Variants in AUTS2 observed in about 807,000 individuals in gnomAD.
AUTS2 encodes activator of transcription and developmental regulator AUTS2.
AUTS2 carries 17 observed loss-of-function variants against 112.4 expected under a neutral mutation model. That is an observed-to-expected ratio of 0.15 (90% CI 0.10 to 0.23). The LOEUF (loss-of-function observed/expected upper bound fraction) is 0.23. AUTS2 is among the 10% of genes least tolerant of loss of function. AUTS2 has a pLI of 1.00. For missense variants in AUTS2, 1,510 were observed against 1,701.6 expected (o/e 0.89, Z 1.98); for synonymous variants, 751 against 702.7 (o/e 1.07, Z -1.09).
At chr7:70,115,973 T>C (rs1805337371) in intron 2 of AUTS2, among the ~76,000 whole-genome samples, 1 of 152,078 alleles carries the variant, frequency 6.6e-6, no homozygotes, top group Admixed American at 6.5e-5. Flanking sequence ...AGAGCAGGAA[T>C]GGACAAGAAA....
At position 70,698,099 on chromosome 7, in the gene AUTS2, A is replaced by T. The variant is rs546765583; in HGVS notation, c.691-470A>T. ...GTCATCAGATGAATCTTAAAAAAAAATTAATTTCTGGCAGTGTTGGCTTAC... is the reference window on the plus strand; with the variant it reads ...GTCATCAGATGAATCTTAAAAAAAATTTAATTTCTGGCAGTGTTGGCTTAC... On this transcript the variant is annotated intron_variant, in intron 5 of 18. Coordinates refer to ENST00000342771, the MANE Select transcript of AUTS2 (RefSeq NM_015570.4). 5.9e-5 allele frequency among the ~76,000 whole-genome samples: 9 copies of T among 152,316 alleles called. No individual in the cohort carries two copies. The East Asian group carries it at 1.7e-3, about 29-fold the overall frequency.
chr7:69,857,800 G>A (rs1446407275), intron 1 of AUTS2, among the ~76,000 whole-genome samples: 2 of 151,254 alleles, frequency 1.3e-5, no homozygotes, highest in African/African-American at 4.9e-5. Flanking sequence ...CTGGGTGACA[G>A]AGTGAGACTC....
chr7:69,732,992 T>A (rs1262464316), intron 1 of AUTS2, among the ~76,000 whole-genome samples: 1 of 152,168 alleles, frequency 6.6e-6, no homozygotes, highest in Non-Finnish European at 1.5e-5. Context: ...TACTTAAGGG[T>A]GTCTTTTGAG....
At chr7:69,989,180 G>A (rs573252510) in intron 2 of AUTS2, among the ~76,000 whole-genome samples, 4 of 152,286 alleles carry the variant, frequency 2.6e-5, no homozygotes, top group South Asian at 2.1e-4. Flanking sequence ...GGTAACTCTT[G>A]TAATTCTTGG....
chr7:70,634,904 G>T (rs77476502), intron 5 of AUTS2, among the ~76,000 whole-genome samples: 1 of 152,334 alleles, frequency 6.6e-6, no homozygotes, highest in South Asian at 2.1e-4. Context: ...GCAGCTTAGT[G>T]TTGGGGGCTG....
intron 5 of AUTS2, among the ~76,000 whole-genome samples, chr7:70,540,244 G>C (rs968436787): frequency 2.0e-5 from 3 of 152,150 alleles, no homozygotes; most frequent in African/African-American, 7.2e-5. Flanking sequence ...TGGATTTGCA[G>C]AAGTTTACAG....
intron 1 of AUTS2, among the ~76,000 whole-genome samples, chr7:69,838,486 A>G (rs1231805296): frequency 1.3e-5 from 2 of 152,138 alleles, no homozygotes; most frequent in African/African-American, 4.8e-5. Flanking sequence ...TGCCCAAGCC[A>G]CATAGCTGGC....
chr7:70,310,408 C>A (rs181044382), intron 4 of AUTS2, among the ~76,000 whole-genome samples: 1 of 151,818 alleles, frequency 6.6e-6, no homozygotes, highest in Non-Finnish European at 1.5e-5. Context: ...CAGGAAATCG[C>A]GACCATCCTG....
chr7:70,373,089 C>T (rs548933927), intron 4 of AUTS2, among the ~76,000 whole-genome samples: 1 of 151,216 alleles, frequency 6.6e-6, no homozygotes, highest in South Asian at 2.1e-4. Flanking sequence ...ACTGCAATAT[C>T]ACGTGAATAA....
At chr7:69,906,647 G>A (rs779424773) in intron 2 of AUTS2, among the ~76,000 whole-genome samples, 4 of 152,208 alleles carry the variant, frequency 2.6e-5, no homozygotes, top group Non-Finnish European at 5.9e-5. Flanking sequence ...ACAGGCAGAC[G>A]CAGGCAATTC....
chr7:70,657,362 G>T (rs1412484547), intron 5 of AUTS2, among the ~76,000 whole-genome samples: 2 of 152,198 alleles, frequency 1.3e-5, no homozygotes, highest in Non-Finnish European at 1.5e-5. Flanking sequence ...GAGCTGTAGA[G>T]TCTCTCTGGA....
chr7:69,852,746 C>T (rs1349893821), intron 1 of AUTS2, among the ~76,000 whole-genome samples: 1 of 152,170 alleles, frequency 6.6e-6, no homozygotes, highest in Non-Finnish European at 1.5e-5. Flanking sequence ...AGCCACCGTG[C>T]CCGGCCCCTG....
At chr7:69,728,197 A>G (rs1027567053) in intron 1 of AUTS2, among the ~76,000 whole-genome samples, 5 of 152,196 alleles carry the variant, frequency 3.3e-5, no homozygotes, top group East Asian at 1.9e-4. Flanking sequence ...CCTGTGGTCA[A>G]GGTAGTAGAG....
At chr7:69,616,602 AG>A (rs1363473560) in intron 1 of AUTS2, among the ~76,000 whole-genome samples, 1 of 152,220 alleles carries the variant, frequency 6.6e-6, no homozygotes, top group Admixed American at 6.5e-5. Flanking sequence ...TTGAATTTTC[AG>A]GGTCCTTTTT....
At chr7:69,912,809 C>G (rs981960833) in intron 2 of AUTS2, among the ~76,000 whole-genome samples, 1 of 152,232 alleles carries the variant, frequency 6.6e-6, no homozygotes, top group Non-Finnish European at 1.5e-5. Flanking sequence ...GATCTGCTCT[C>G]AGAGTCACAA....
At chr7:70,734,188 C>T (rs1432792506) in intron 6 of AUTS2, among the ~76,000 whole-genome samples, 1 of 151,934 alleles carries the variant, frequency 6.6e-6, no homozygotes, top group African/African-American at 2.4e-5. Flanking sequence ...GCCTGTAATC[C>T]CAGCACTTTG....
Position 70,760,240 on chromosome 7 carries a change from C to T in AUTS2, c.743-2630C>T, listed in dbSNP as rs561580243. Among the ~76,000 whole-genome samples, 231 of 152,304 alleles carry T rather than the reference C, an allele frequency of 1.5e-3. 1 individual carries two copies. The highest frequency in any genetic ancestry group is 1.9e-3 in the Non-Finnish European group (129 of 68,030). Reference sequence around the variant, plus strand: ...CAGGATGGTCTCGATCTCCTGACCTCGTGATCCGCCCGCCTTGGCCTCCCA... The same window carrying T: ...CAGGATGGTCTCGATCTCCTGACCTTGTGATCCGCCCGCCTTGGCCTCCCA... On this transcript the variant is annotated intron_variant, in intron 6 of 18. Transcript: ENST00000342771.
intron 2 of AUTS2, among the ~76,000 whole-genome samples, chr7:70,060,504 G>A (rs1430640890): frequency 6.6e-6 from 1 of 152,210 alleles, no homozygotes; most frequent in African/African-American, 2.4e-5. Context: ...CTGATCAAGG[G>A]AGGGGGATGT....
chr7:70,398,659 T>C (rs1324265348), intron 4 of AUTS2, among the ~76,000 whole-genome samples: 1 of 152,194 alleles, frequency 6.6e-6, no homozygotes, highest in Non-Finnish European at 1.5e-5. Flanking sequence ...TAGATAGTTA[T>C]TATGCCTGCA....
Sources: allele counts gnomAD v4.1 joint callset (sites outside exome capture counted in the v4.1 genomes callset), GRCh38; gene constraint gnomAD v4.1.1; transcripts MANE v1.5; gene names NCBI Gene and HGNC (gene_info 2026-07-23, HGNC 2026-07-21).